The following NRXN3 variants were observed in gnomAD, a reference collection of about 807,000 sequenced individuals.
NRXN3 encodes neurexin III.
Under a neutral mutation model 137.6 loss-of-function variants are expected in NRXN3, and 32 were observed. The observed-to-expected ratio is 0.23, with a 90% CI of 0.18 to 0.31. The LOEUF is 0.31. NRXN3 is among the 10% of genes least tolerant of loss of function. The pLI is 1.00. For missense variants in NRXN3, 1,574 were observed against 2,062.5 expected (o/e 0.76, Z 4.59); for synonymous variants, 798 against 784.5 (o/e 1.02, Z -0.29).
intron 10 of NRXN3, among the ~76,000 whole-genome samples, chr14:78,876,142 G>C (rs1321840425): frequency 6.6e-6 from 1 of 152,132 alleles, no homozygotes; most frequent in Non-Finnish European, 1.5e-5. Context: ...GCAAAGCCTG[G>C]TTTTCTTACA....
At chr14:78,500,092 G>A (rs1381305192) in intron 4 of NRXN3, among the ~76,000 whole-genome samples, 1 of 152,114 alleles carries the variant, frequency 6.6e-6, no homozygotes, top group Non-Finnish European at 1.5e-5. Flanking sequence ...TGACCTGTGG[G>A]TTGTCTTTTA....
intron 20 of NRXN3, among the ~76,000 whole-genome samples, chr14:79,811,729 C>T (rs1312889166): frequency 6.6e-6 from 1 of 151,644 alleles, no homozygotes. Context: ...CTACAGACGC[C>T]CGCCACCACG....
chr14:79,445,132 G>C (rs1177111684), intron 15 of NRXN3, among the ~76,000 whole-genome samples: 1 of 152,062 alleles, frequency 6.6e-6, no homozygotes, highest in East Asian at 1.9e-4. Flanking sequence ...ACGAGGTCAA[G>C]AGATCAAGAC....
chr14:78,243,921 C>G lies in NRXN3; in HGVS notation c.709+119C>G. The G allele has an allele frequency of 1.4e-6, 1 of 737,378 alleles. No homozygotes were observed. Among genetic ancestry groups the G allele is most frequent in the Middle Eastern group, 2.5e-4 (1 of 4,040 alleles). 45.7% of individuals were successfully genotyped at this position (737,378 alleles called of 1,614,324 possible). ...TTTAGCTGCATGTTAGATCACTGGG[C>G]CCCTTGCCCTAAGGAGGCAGTGGAA... is the stretch of plus-strand genomic sequence containing the variant. On this transcript the variant is annotated intron_variant, in intron 2 of 20. Transcript: ENST00000335750. This position sits in a 1 kb window ranked among gnomAD's most constrained non-coding sequence, Gnocchi z 4.2.
intron 4 of NRXN3, among the ~76,000 whole-genome samples, chr14:78,541,654 G>T (rs555868649): frequency 7.5e-4 from 114 of 152,226 alleles, no homozygotes; most frequent in African/African-American, 2.6e-3. Flanking sequence ...GCTTTGTTCC[G>T]TTGTTGGTGA....
chr14:78,707,508 A>G (rs2098364507), intron 6 of NRXN3, among the ~76,000 whole-genome samples: 1 of 152,208 alleles, frequency 6.6e-6, no homozygotes, highest in South Asian at 2.1e-4. Context: ...TCATGGAGAA[A>G]GATTAATTTC....
Position 78,918,241 on chromosome 14 carries a change from C to T in NRXN3, c.2276-39001C>T, listed in dbSNP as rs556782127. On this transcript the variant is annotated intron_variant, in intron 10 of 20. Coordinates refer to ENST00000335750, the MANE Select transcript of NRXN3 (RefSeq NM_001330195.2). ...CAGAGGTTGCAGTAGGCCGAGATCA[C>T]GCCATTGCACTCCAGCGTGGGCAAC... Among the ~76,000 whole-genome samples, 6 of 140,084 alleles carry T rather than the reference C, an allele frequency of 4.3e-5. No homozygotes were observed. In the East Asian group the frequency reaches 6.5e-4, roughly 15 times the overall value. 91.9% of individuals were successfully genotyped at this position (140,084 alleles called of 152,430 possible). A position where few individuals can be genotyped will look rare whatever the true frequency, so the allele number is the denominator to read the frequency against.
intron 2 of NRXN3, among the ~76,000 whole-genome samples, chr14:78,253,314 T>C (rs1057514892): frequency 1.3e-5 from 2 of 152,180 alleles, no homozygotes; most frequent in African/African-American, 4.8e-5. Context: ...ACATTTATTA[T>C]AATGTATTAC....
intron 6 of NRXN3, among the ~76,000 whole-genome samples, chr14:78,664,908 T>C (rs1353806051): frequency 6.6e-6 from 1 of 152,236 alleles, no homozygotes; most frequent in Non-Finnish European, 1.5e-5. Context: ...ACATCAGTGA[T>C]AGAATTATTG....
At chr14:78,592,150 C>G (rs1336469257) in intron 4 of NRXN3, among the ~76,000 whole-genome samples, 2 of 152,112 alleles carry the variant, frequency 1.3e-5, no homozygotes, top group African/African-American at 4.8e-5. Flanking sequence ...AATAAATCAG[C>G]TTTGCAAAGT....
rs1255413060 is a variant in NRXN3 at position 79,646,629 on chromosome 14, T to C, written c.3445-17149T>C. On this transcript the variant is annotated intron_variant, in intron 16 of 20. Coordinates refer to ENST00000335750, the MANE Select transcript of NRXN3 (RefSeq NM_001330195.2). The stretch of plus-strand genomic sequence containing the variant: ...CTCCAAGTCACAAATCCTCTGTAGA[T>C]GCCTGTGGATTGGCTTTTCAGATCC... Among the ~76,000 whole-genome samples, 6 of 135,054 alleles carry C rather than the reference T, an allele frequency of 4.4e-5. 2 individuals are homozygous for C. Among genetic ancestry groups the C allele is most frequent in the Non-Finnish European group, 1.0e-4 (6 of 58,102 alleles). The allele number at this position is 135,054 out of a possible 152,430, so 88.6% of individuals were successfully genotyped here. A position where few individuals can be genotyped will look rare whatever the true frequency, so the allele number is the denominator to read the frequency against.
intron 10 of NRXN3, among the ~76,000 whole-genome samples, chr14:78,946,324 T>A (rs1446885339): frequency 6.6e-6 from 1 of 152,178 alleles, no homozygotes; most frequent in Non-Finnish European, 1.5e-5. Context: ...ATCTGTATAC[T>A]CCTCCATGAA....
At chr14:79,079,615 AAAG>A (rs2046557255) in intron 15 of NRXN3, among the ~76,000 whole-genome samples, 1 of 152,182 alleles carries the variant, frequency 6.6e-6, no homozygotes, top group Admixed American at 6.5e-5. Context: ...ATATTCCAAA[AAAG>A]AATAATAGAT....
intron 16 of NRXN3, among the ~76,000 whole-genome samples, chr14:79,543,721 G>A (rs1390479723): frequency 6.6e-6 from 1 of 152,214 alleles, no homozygotes; most frequent in Admixed American, 6.5e-5. Context: ...CAGGTAATAT[G>A]CCTGAGTGAA....
At chr14:78,606,890 TAA>T (rs1295985309) in intron 4 of NRXN3, among the ~76,000 whole-genome samples, 7 of 152,234 alleles carry the variant, frequency 4.6e-5, no homozygotes, top group Non-Finnish European at 1.0e-4. Flanking sequence ...CGTATAAACC[TAA>T]GTGTCTCAAT....
At chr14:79,716,079 G>T (rs1188589520) in intron 19 of NRXN3, among the ~76,000 whole-genome samples, 1 of 152,188 alleles carries the variant, frequency 6.6e-6, no homozygotes, top group East Asian at 1.9e-4. Context: ...TGACAAAGGG[G>T]TGTGGGACTG....
At chr14:78,395,052 T>A (rs1185548425) in intron 4 of NRXN3, among the ~76,000 whole-genome samples, 2 of 151,868 alleles carry the variant, frequency 1.3e-5, no homozygotes, top group African/African-American at 2.4e-5. Context: ...ATTTCATTTT[T>A]ACTTTCATTA....
At chr14:79,103,334 T>G (rs1380509649) in intron 15 of NRXN3, among the ~76,000 whole-genome samples, 1 of 152,178 alleles carries the variant, frequency 6.6e-6, no homozygotes, top group Non-Finnish European at 1.5e-5. Context: ...AATTGATTGA[T>G]GGTTGAAGGG....
At chr14:78,696,914 C>T (rs891076972) in intron 6 of NRXN3, among the ~76,000 whole-genome samples, 3 of 152,056 alleles carry the variant, frequency 2.0e-5, no homozygotes, top group African/African-American at 7.3e-5. Context: ...CACATTCATC[C>T]CAAGTCTGGG....
Sources: gnomAD v4.1 joint callset for allele counts (sites outside exome capture counted in the v4.1 genomes callset) on GRCh38, gnomAD v4.1.1 for gene constraint, Gnocchi (gnomAD v3.1) non-coding constraint, MANE v1.5 for transcripts, NCBI Gene and HGNC (gene_info 2026-07-23, HGNC 2026-07-21) for gene names.